UNC13B: variants seen among roughly 807,000 people sequenced by gnomAD.
The protein encoded by UNC13B is unc-13 homolog B, also known as protein unc-13 homolog B.
UNC13B carries 144 observed loss-of-function variants against 211.0 expected under a neutral mutation model. The observed-to-expected ratio is 0.68, with a 90% CI of 0.60 to 0.78. UNC13B has a LOEUF of 0.78. Ranked by LOEUF, UNC13B falls within the 30% of genes least tolerant of loss-of-function variation. The pLI is 0.00. For synonymous variants in UNC13B, 709 were observed against 725.8 expected (o/e 0.98, Z 0.37); for missense variants, 1,777 against 2,002.0 (o/e 0.89, Z 2.14).
intron 1 of UNC13B, among the ~76,000 whole-genome samples, chr9:35,180,452 C>T (rs1821872175): frequency 6.6e-6 from 1 of 152,044 alleles, no homozygotes. Context: ...ATTATTCTAT[C>T]CATACCATCA....
chr9:35,241,579 AC>A (rs1324521719), intron 5 of UNC13B, among the ~76,000 whole-genome samples: 1 of 146,742 alleles, frequency 6.8e-6, no homozygotes, highest in Non-Finnish European at 1.5e-5. Flanking sequence ...ACACACACAC[AC>A]ACACACACAC....
At chr9:35,174,135 T>TCG (rs139133511) in intron 1 of UNC13B, among the ~76,000 whole-genome samples, 1 of 151,076 alleles carries the variant, frequency 6.6e-6, no homozygotes, top group Non-Finnish European at 1.5e-5. Flanking sequence ...TTCCTAGACC[T>TCG]CTCTCTCTCT....
chr9:35,395,537 C>CA (rs1224906690), intron 26 of UNC13B, among the ~76,000 whole-genome samples: 1 of 152,254 alleles, frequency 6.6e-6, no homozygotes, highest in Non-Finnish European at 1.5e-5. Context: ...TCCCCAAGGA[C>CA]AGTGGCCTTC....
chr9:35,381,420 G>A, intron 19 of UNC13B, 136 bp from the exon 20 acceptor site: 2 of 1,153,836 alleles, frequency 1.7e-6, no homozygotes, highest in Admixed American at 2.7e-5. Context: ...GGGGCCACAG[G>A]AGGAACTGAG....
intron 1 of UNC13B, among the ~76,000 whole-genome samples, chr9:35,222,098 C>T (rs1384737449): frequency 6.6e-6 from 1 of 152,034 alleles, no homozygotes. Flanking sequence ...ATAATTACTC[C>T]AACACCCTTT....
intron 11 of UNC13B, among the ~76,000 whole-genome samples, chr9:35,335,503 T>C (rs1290356154): frequency 1.3e-5 from 2 of 152,172 alleles, no homozygotes. Flanking sequence ...CTTTGCTGGT[T>C]GTCACCTTCA....
In UNC13B at chr9:35,203,359, C is replaced by CA. The variant is rs1823436008; in HGVS notation, c.23-24652dup. 3.3e-5 allele frequency among the ~76,000 whole-genome samples: 5 copies of CA among 152,292 alleles called. No individual in the cohort carries two copies. In the South Asian group the frequency reaches 1.0e-3, roughly 32 times the overall value. On this transcript the variant is annotated intron_variant, in intron 1 of 39. Transcript: ENST00000635942. The stretch of plus-strand genomic sequence containing the variant: ...TCTTATAAGGCAGGCCTGGTGGTGA[C>CA]AAAATCTCTCAGCATTTGTTTGTCT...
At chr9:35,361,846 C>T (rs2132125536) in intron 11 of UNC13B, 1 of 152,250 alleles carries the variant, frequency 6.6e-6, no homozygotes, top group South Asian at 2.1e-4. Context: ...GGGAATATGC[C>T]TGAGTCCACC....
At chr9:35,352,419 G>C in intron 11 of UNC13B, 1 of 1,232,094 alleles carries the variant, frequency 8.1e-7, no homozygotes, top group Non-Finnish European at 1.0e-6. Flanking sequence ...GTGGGAGTCC[G>C]AATTGCCACC....
intron 26 of UNC13B, among the ~76,000 whole-genome samples, chr9:35,394,754 C>A (rs567196223): frequency 6.6e-6 from 1 of 152,188 alleles, no homozygotes; most frequent in East Asian, 1.9e-4. Context: ...TATGGATTGG[C>A]CTTTCTGACA....
intron 11 of UNC13B, among the ~76,000 whole-genome samples, chr9:35,342,766 T>C (rs925175945): frequency 2.0e-5 from 3 of 152,238 alleles, no homozygotes; most frequent in African/African-American, 7.2e-5. Context: ...GCAAAATTCG[T>C]CTCTCCCTAC....
In UNC13B at chr9:35,310,501, A is replaced by G. The variant is rs1830130318; in HGVS notation, c.9043A>G (p.Asn3015Asp). The G allele has an allele frequency of 1.9e-6, 3 of 1,613,960 alleles. No homozygotes were observed. The highest frequency in any genetic ancestry group is 1.7e-5 in the Admixed American group (1 of 59,990). Residue 3015 changes from asparagine (N) to aspartate (D), a missense_variant, in exon 10 of 40, where the codon AAT (asparagine) becomes GAT (aspartate). Coordinates refer to ENST00000635942, the MANE Select transcript of UNC13B (RefSeq NM_001371189.2). Reference sequence around the variant, plus strand: ...CAGCAGTAGGTATGGCTCCTCCTGTAATGTGAGTCAAGGAAGCTCTCAGCT... The same window carrying G: ...CAGCAGTAGGTATGGCTCCTCCTGTGATGTGAGTCAAGGAAGCTCTCAGCT... Reference protein sequence around the residue: ...TSSSRYGSSCNVSQGSSQLSE... With the variant: ...TSSSRYGSSCDVSQGSSQLSE...
chr9:35,197,153 G>A (rs1385322296), intron 1 of UNC13B, among the ~76,000 whole-genome samples: 1 of 152,160 alleles, frequency 6.6e-6, no homozygotes, highest in Non-Finnish European at 1.5e-5. Context: ...TCTTGAGGAA[G>A]TAGTTGATAT....
intron 21 of UNC13B, 85 bp from the exon 22 acceptor site, chr9:35,384,160 CA>C (rs1386664814): frequency 2.5e-6 from 4 of 1,585,570 alleles, no homozygotes; most frequent in East Asian, 2.2e-5. Context: ...TCTACTCATC[CA>C]GGGGTGGTTC....
At chr9:35,388,465 G>A (rs748220590) in intron 24 of UNC13B, among the ~76,000 whole-genome samples, 9 of 152,238 alleles carry the variant, frequency 5.9e-5, no homozygotes, top group Middle Eastern at 3.4e-3. Context: ...GGGTACTTAC[G>A]GCATCCAGCT....
chr9:35,234,178 G>A (rs1825364997), intron 3 of UNC13B, among the ~76,000 whole-genome samples: 1 of 152,058 alleles, frequency 6.6e-6, no homozygotes, highest in Non-Finnish European at 1.5e-5. Context: ...TGCAGTGGCA[G>A]CATCTTGGCT....
intron 24 of UNC13B, 35 bp downstream of exon 24, chr9:35,386,328 A>T: frequency 6.2e-7 from 1 of 1,612,304 alleles, no homozygotes; most frequent in Non-Finnish European, 8.5e-7. Context: ...GCCAGCTGTC[A>T]GTGGCTCTTT....
intron 3 of UNC13B, among the ~76,000 whole-genome samples, chr9:35,231,838 T>G (rs1371144651): frequency 4.6e-5 from 7 of 152,212 alleles, no homozygotes; most frequent in Non-Finnish European, 8.8e-5. Flanking sequence ...TTCTTTCTTT[T>G]GTCCCTTTAG....
chr9:35,303,665 G>T lies in UNC13B; in HGVS notation c.4261G>T (p.Val1421Phe), dbSNP rs1312717538. ...GGAGTGGAGAACAAATCCAAACAGT[G>T]TCATTTGGTGTGACTTACCATATGA... ...ILEWRTNPNS[V>F]IWCDLPYESF... The change falls in exon 9 of 40, where the codon GTC becomes TTC. Residue 1421 changes from valine (V) to phenylalanine (F), a missense_variant. Physicochemically the swap from Val to Phe is conservative, Grantham distance 50. Transcript: ENST00000635942. 1 of 398,640 alleles carries T rather than the reference G, an allele frequency of 2.5e-6. No homozygotes were observed. The highest frequency in any genetic ancestry group is 2.1e-5 in the African/African-American group (1 of 48,612). 24.7% of individuals were successfully genotyped at this position (398,640 alleles called of 1,614,324 possible).
Sources: gnomAD v4.1 joint callset for allele counts (sites outside exome capture counted in the v4.1 genomes callset) on GRCh38, gnomAD v4.1.1 for gene constraint, MANE v1.5 for transcripts, NCBI Gene and HGNC (gene_info 2026-07-23, HGNC 2026-07-21) for gene names.